POT1: variants seen among roughly 807,000 people sequenced by gnomAD.
POT1 encodes the protein protection of telomeres 1.
In POT1, 47 loss-of-function variants were observed where a neutral mutation model predicts 78.5. The observed-to-expected ratio is 0.60, with a 90% CI of 0.47 to 0.76. The LOEUF (loss-of-function observed/expected upper bound fraction) is 0.76, where lower values mean the gene tolerates loss of function less well. POT1 is among the 30% of genes least tolerant of loss of function. The pLI is 0.00. For missense variants in POT1, 646 were observed against 749.9 expected (o/e 0.86, Z 1.62); for synonymous variants, 259 against 260.7 (o/e 0.99, Z 0.06).
intron 17 of POT1, among the ~76,000 whole-genome samples, chr7:124,826,055 T>C (rs1794623049): frequency 6.6e-6 from 1 of 152,172 alleles, no homozygotes; most frequent in Non-Finnish European, 1.5e-5. Flanking sequence ...CTATGAATAG[T>C]TTAACAATAT....
chr7:124,840,948 C>A, intron 14 of POT1, 25 bp downstream of exon 14: 3 of 1,544,716 alleles, frequency 1.9e-6, no homozygotes, highest in Non-Finnish European at 2.7e-6. Context: ...AGTATTCTAA[C>A]AAAACAGTGA....
intron 3 of POT1, among the ~76,000 whole-genome samples, chr7:124,900,650 G>T (rs1796595931): frequency 6.6e-6 from 1 of 152,076 alleles, no homozygotes. Flanking sequence ...ATTAGGACTT[G>T]TTGGACAGTG....
intron 2 of POT1, among the ~76,000 whole-genome samples, chr7:124,922,446 A>G (rs114202201): frequency 6.5e-4 from 99 of 152,152 alleles, no homozygotes; most frequent in African/African-American, 2.4e-3. Flanking sequence ...CATGTAAAAG[A>G]TCATAACAGT....
At chr7:124,840,141 T>C (rs988235769) in intron 14 of POT1, among the ~76,000 whole-genome samples, 1 of 152,018 alleles carries the variant, frequency 6.6e-6, no homozygotes, top group Non-Finnish European at 1.5e-5. Context: ...TTGTTAAAAA[T>C]GAACCTATAC....
At chr7:124,846,389 CA>C (rs1392600762) in intron 12 of POT1, among the ~76,000 whole-genome samples, 3 of 152,012 alleles carry the variant, frequency 2.0e-5, no homozygotes, top group Non-Finnish European at 4.4e-5. Context: ...AAAATTTTTA[CA>C]ATAGCACATT....
At chr7:124,855,110 T>TA (rs1323837928) in intron 9 of POT1, among the ~76,000 whole-genome samples, 1 of 149,816 alleles carries the variant, frequency 6.7e-6, no homozygotes, top group African/African-American at 2.5e-5. Flanking sequence ...AAATCAATTT[T>TA]AAAGAATATG....
At chr7:124,825,894 A>G (rs150164338) in intron 17 of POT1, among the ~76,000 whole-genome samples, 1,871 of 152,268 alleles carry the variant, frequency 0.012, 9 homozygotes, top group Non-Finnish European at 0.018. Context: ...CCTCTCAACT[A>G]TAACTCAGAT....
At chr7:124,830,719 TTTTA>T (rs1794738983) in intron 15 of POT1, among the ~76,000 whole-genome samples, 1 of 152,088 alleles carries the variant, frequency 6.6e-6, no homozygotes, top group Non-Finnish European at 1.5e-5. Context: ...AGCCATAAGC[TTTTA>T]TTTATGAGTG....
At position 124,823,767 on chromosome 7, in the gene POT1, A is replaced by C. The variant is rs1030300110; in HGVS notation, c.*195T>G. The C allele has an allele frequency of 9.4e-6, 5 of 534,076 alleles. No homozygotes were observed. The highest frequency in any genetic ancestry group is 1.6e-5 in the Non-Finnish European group (5 of 305,390). 33.1% of individuals were successfully genotyped at this position (534,076 alleles called of 1,614,324 possible). ...CTCTTTGTACAAAAGCAAAACAGAA[A>C]GCAAAACAAAATCCATAGCCATTAT... On this transcript the variant is annotated 3_prime_UTR_variant, in exon 19 of 19. Transcript: ENST00000357628.
chr7:124,831,958 G>A (rs1212641286), intron 15 of POT1, among the ~76,000 whole-genome samples: 1 of 148,218 alleles, frequency 6.7e-6, no homozygotes, highest in African/African-American at 2.5e-5. Flanking sequence ...GGATTGATAT[G>A]GCATTATACT....
At chr7:124,914,541 A>T (rs2116694926) in intron 3 of POT1, among the ~76,000 whole-genome samples, 1 of 152,350 alleles carries the variant, frequency 6.6e-6, no homozygotes, top group African/African-American at 2.4e-5. Flanking sequence ...CTTCTGACAT[A>T]TAGTTAGCCC....
intron 2 of POT1, among the ~76,000 whole-genome samples, chr7:124,921,799 T>C (rs1450166253): frequency 6.6e-6 from 1 of 151,978 alleles, no homozygotes; most frequent in Non-Finnish European, 1.5e-5. Context: ...CAGTATCAAA[T>C]AGCCTAATAC....
intron 6 of POT1, among the ~76,000 whole-genome samples, chr7:124,878,151 C>T (rs1037422343): frequency 1.3e-5 from 2 of 151,692 alleles, no homozygotes; most frequent in Admixed American, 1.3e-4. Context: ...GCCAACATGG[C>T]GAAATCTCAT....
intron 3 of POT1, among the ~76,000 whole-genome samples, chr7:124,907,334 T>G (rs1796789314): frequency 6.6e-6 from 1 of 152,116 alleles, no homozygotes; most frequent in Admixed American, 6.6e-5. Flanking sequence ...AAATAGAATA[T>G]TTACTGCAAA....
intron 7 of POT1, among the ~76,000 whole-genome samples, chr7:124,867,962 A>G (rs1795772046): frequency 1.3e-5 from 2 of 152,194 alleles, no homozygotes; most frequent in Middle Eastern, 3.4e-3. Context: ...AGTAGCTATC[A>G]CTACTTGAAA....
At chr7:124,924,836 A>T (rs1042640994) in intron 2 of POT1, among the ~76,000 whole-genome samples, 1 of 152,130 alleles carries the variant, frequency 6.6e-6, no homozygotes, top group African/African-American at 2.4e-5. Flanking sequence ...GTTATACATC[A>T]CATAAACAGA....
At chr7:124,917,580 T>C (rs1048461364) in intron 2 of POT1, among the ~76,000 whole-genome samples, 2 of 152,000 alleles carry the variant, frequency 1.3e-5, no homozygotes, top group Non-Finnish European at 2.9e-5. Flanking sequence ...CTTTGAACAA[T>C]AACAACATAT....
chr7:124,859,238 A>G (rs960189013), intron 8 of POT1, 126 bp from the exon 9 acceptor site: 1 of 575,408 alleles, frequency 1.7e-6, no homozygotes, highest in Non-Finnish European at 2.8e-6. Flanking sequence ...CACTATTTTA[A>G]ATATGACATT....
chr7:124,861,566 A>G (rs1216443335), intron 8 of POT1, among the ~76,000 whole-genome samples: 2 of 152,246 alleles, frequency 1.3e-5, no homozygotes, highest in East Asian at 3.9e-4. Context: ...GTTCACTCTG[A>G]TGATAGTTTC....
Sources: allele counts gnomAD v4.1 joint callset (sites outside exome capture counted in the v4.1 genomes callset), GRCh38; gene constraint gnomAD v4.1.1; transcripts MANE v1.5; gene names NCBI Gene and HGNC (gene_info 2026-07-23, HGNC 2026-07-21).